The following HERC2 variants were observed in gnomAD, a reference collection of about 807,000 sequenced individuals.
HERC2 encodes the protein E3 ubiquitin-protein ligase HERC2.
A neutral mutation model predicts 537.7 loss-of-function variants in HERC2; 102 were observed. The observed-to-expected ratio is 0.19, with a 90% CI of 0.16 to 0.22. HERC2 has a LOEUF of 0.22. HERC2 is among the 10% of genes least tolerant of loss of function. The pLI is 1.00. For synonymous variants in HERC2, 2,224 were observed against 2,466.2 expected, an observed-to-expected ratio of 0.90 and a Z score of 2.91; for missense variants, 4,236 against 6,198.2, an observed-to-expected ratio of 0.68 and a Z score of 10.63.
intron 5 of HERC2, 26 bp downstream of exon 5, chr15:28,280,042 G>C (rs759688327): frequency 2.6e-6 from 4 of 1,557,244 alleles, no homozygotes; most frequent in Non-Finnish European, 3.5e-6. Flanking sequence ...ACTGGCATCA[G>C]GATTCTTTCT....
chr15:28,160,607 C>T (rs541481485), intron 69 of HERC2, among the ~76,000 whole-genome samples: 92 of 152,328 alleles, frequency 6.0e-4, no homozygotes, highest in African/African-American at 2.2e-3. Context: ...GTGGGAGTGA[C>T]CCAATTTTCC....
rs530312064 is a variant in HERC2, at chr15:28,217,416, A to C, written c.6028+1073T>G. ...TCAGCCACTTGCCCATCGACCGCTA[A>C]CACACTCACTCTCATCAATATGTGC... On this transcript the variant is annotated intron_variant, in intron 38 of 92. Coordinates refer to ENST00000261609, the MANE Select transcript of HERC2 (RefSeq NM_004667.6). 6.4e-3 allele frequency among the ~76,000 whole-genome samples: 972 copies of C among 152,282 alleles called. 7 individuals are homozygous for C. The highest frequency in any genetic ancestry group is 0.023 in the African/African-American group (942 of 41,568).
chr15:28,225,971 A>C (rs1220752732), intron 35 of HERC2, among the ~76,000 whole-genome samples: 1 of 152,218 alleles, frequency 6.6e-6, no homozygotes, highest in African/African-American at 2.4e-5. Flanking sequence ...TCAACAAAGA[A>C]AAGCTTAGCT....
rs763679248 is a variant in HERC2, at chr15:28,228,229, A to G, written c.5453T>C (p.Leu1818Pro). The part of the protein sequence containing the change: ...SGMLALTQTA[L>P]RLIGPSCDNV... ...GGGTGCAGACCTACCAATCAGGCGC[A>G]GTGCCGTCTGCGTGAGGGCCAGCAT... The change falls in exon 35 of 93, where the codon CTG becomes CCG. Residue 1818 changes from leucine to proline, a missense_variant. Coordinates refer to ENST00000261609, the MANE Select transcript of HERC2 (RefSeq NM_004667.6). 3 of 1,613,444 alleles carry G rather than the reference A, an allele frequency of 1.9e-6. No homozygotes were observed. Among genetic ancestry groups the G allele is most frequent in the African/African-American group, 1.3e-5 (1 of 74,926 alleles).
At chr15:28,310,262 A>G (rs529641658) in intron 2 of HERC2, among the ~76,000 whole-genome samples, 1 of 152,300 alleles carries the variant, frequency 6.6e-6, no homozygotes, top group Non-Finnish European at 1.5e-5. Context: ...CCTGAACAAC[A>G]TGGCAAAACC....
chr15:28,291,948 C>A (rs2076326767), intron 4 of HERC2, among the ~76,000 whole-genome samples: 1 of 147,190 alleles, frequency 6.8e-6, no homozygotes, highest in Non-Finnish European at 1.5e-5. Flanking sequence ...GGCAAAAGGG[C>A]CAGGTGCAGT....
intron 71 of HERC2, among the ~76,000 whole-genome samples, chr15:28,145,090 A>G (rs1891601119): frequency 6.6e-6 from 1 of 152,236 alleles, no homozygotes; most frequent in Non-Finnish European, 1.5e-5. Flanking sequence ...CAGTGGGGAA[A>G]TGACCCCACC....
chr15:28,250,533 T>A (rs968485019), intron 20 of HERC2, among the ~76,000 whole-genome samples: 5 of 152,208 alleles, frequency 3.3e-5, no homozygotes, highest in Non-Finnish European at 7.3e-5. Flanking sequence ...TATAAAAACT[T>A]CACAGCGCTC....
Position 28,212,498 on chromosome 15 carries a change from C to A in HERC2, c.6872G>T (p.Gly2291Val), listed in dbSNP as rs1263670594. 6.3e-7 allele frequency: 1 copy of A among 1,593,638 alleles called. No individual in the cohort carries two copies. The highest frequency in any genetic ancestry group is 8.6e-7 in the Non-Finnish European group (1 of 1,163,778). The change falls in exon 43 of 93, where the codon GGA (glycine) becomes GTA (valine). Residue 2291 changes from glycine to valine, a missense_variant. By Grantham distance (109) the Gly-to-Val change is moderately radical (BLOSUM62 -3). Coordinates refer to ENST00000261609, the MANE Select transcript of HERC2 (RefSeq NM_004667.6). ...TATTTTGTGCTTTTCTAACTTGCTT[C>A]CAGCGAGGTTCACCAACTGAGCCCA... Reference protein sequence around the residue: ...SVWAQLVNLAGSKLEKHKIKK... With the variant: ...SVWAQLVNLAVSKLEKHKIKK...
intron 2 of HERC2, among the ~76,000 whole-genome samples, chr15:28,310,019 C>T (rs530606976): frequency 2.8e-3 from 427 of 152,226 alleles, no homozygotes; most frequent in African/African-American, 9.9e-3. Flanking sequence ...AAAAAGTGAG[C>T]CCTAGCCAGG....
intron 44 of HERC2, among the ~76,000 whole-genome samples, chr15:28,207,624 C>T (rs1300522404): frequency 6.6e-6 from 1 of 152,074 alleles, no homozygotes; most frequent in Non-Finnish European, 1.5e-5. Flanking sequence ...TAGGTGCAGC[C>T]TTTAGGACTC....
In HERC2 at chr15:28,152,847, G is replaced by C. The variant is rs1451550533; in HGVS notation, c.10747-17C>G. The C allele has an allele frequency of 1.2e-5, 19 of 1,556,426 alleles. No homozygotes were observed. The highest frequency in any genetic ancestry group is 1.5e-5 in the Non-Finnish European group (17 of 1,149,666). ...ATCTGCCACCTGGAGAGGAAGCAAG[G>C]ACATGAATGAGGGGGCCAACAGCCC... On this transcript the variant is annotated splice_polypyrimidine_tract_variant and intron_variant, in intron 69 of 92. Transcript: ENST00000261609.
At chr15:28,315,693 A>G (rs570426433) in intron 2 of HERC2, 17 of 805,500 alleles carry the variant, frequency 2.1e-5, no homozygotes, top group African/African-American at 2.1e-4. Context: ...CCTCTGCGCC[A>G]TGAGAGCCAA....
rs766782448 is a variant in HERC2 at position 28,186,698 on chromosome 15, A to T, written c.8704T>A (p.Cys2902Ser). 1 of 1,614,112 alleles carries T rather than the reference A, an allele frequency of 6.2e-7. No individual in the cohort carries two copies. The highest frequency in any genetic ancestry group is 8.5e-7 in the Non-Finnish European group (1 of 1,179,948). Reference protein sequence around the residue: ...IKQCRSSGIDCKIHGLILLGR... With the variant: ...IKQCRSSGIDSKIHGLILLGR... ...AGCAGGATGAGACCATGGATTTTAC[A>T]ATCGATTCCTGAGCTCCTGCACTGC... Residue 2902 changes from cysteine to serine, a missense_variant, in exon 56 of 93, where the codon TGT becomes AGT. Cys to Ser is a moderately radical substitution (Grantham distance 112). Coordinates refer to ENST00000261609, the MANE Select transcript of HERC2 (RefSeq NM_004667.6).
At chr15:28,261,498 A>G (rs2140930788) in intron 15 of HERC2, among the ~76,000 whole-genome samples, 1 of 152,348 alleles carries the variant, frequency 6.6e-6, no homozygotes, top group South Asian at 2.1e-4. Flanking sequence ...ATGTCAGTAT[A>G]TAAAATAATT....
intron 52 of HERC2, among the ~76,000 whole-genome samples, chr15:28,193,314 CAG>C (rs1897027447): frequency 6.6e-6 from 1 of 151,998 alleles, no homozygotes; most frequent in East Asian, 1.9e-4. Flanking sequence ...GAAAATAAAA[CAG>C]AAAGACTAGA....
At chr15:28,114,246 G>C (rs937227303) in intron 90 of HERC2, among the ~76,000 whole-genome samples, 3 of 152,214 alleles carry the variant, frequency 2.0e-5, no homozygotes, top group South Asian at 4.1e-4. Context: ...CTGGGCGCCT[G>C]GCAAAGGCTG....
chr15:28,237,757 C>T (rs1462509494), intron 25 of HERC2, among the ~76,000 whole-genome samples: 2 of 152,220 alleles, frequency 1.3e-5, no homozygotes, highest in African/African-American at 2.4e-5. Flanking sequence ...CATATTTCTA[C>T]TGTAAAGAAT....
rs1567078200 is a variant in HERC2 at position 28,255,893 on chromosome 15, T to C, written c.2850A>G (p.Ala950=). 2 of 1,601,008 alleles carry C rather than the reference T, an allele frequency of 1.2e-6. No individual in the cohort carries two copies. The highest frequency in any genetic ancestry group is 1.7e-6 in the Non-Finnish European group (2 of 1,179,790). ...ADGGLESALH[A]AITAEIQDIE... The stretch of plus-strand genomic sequence containing the variant: ...ATACCTGGATCTCTGCAGTAATGGC[T>C]GCGTGTAAGGCTGACTCCAACCCTC... The change falls in exon 19 of 93, where the codon GCA becomes GCG. Residue 950 remains alanine (A), a synonymous_variant. Coordinates refer to ENST00000261609, the MANE Select transcript of HERC2 (RefSeq NM_004667.6).
Sources: gnomAD v4.1 joint callset for allele counts (sites outside exome capture counted in the v4.1 genomes callset) on GRCh38, gnomAD v4.1.1 for gene constraint, MANE v1.5 for transcripts, NCBI Gene and HGNC (gene_info 2026-07-23, HGNC 2026-07-21) for gene names.